KANK1: variants seen among roughly 807,000 people sequenced by gnomAD.
KANK1 encodes the protein KN motif and ankyrin repeat domain-containing protein 1.
KANK1 carries 109 observed loss-of-function variants against 106.2 expected under a neutral mutation model. That is an observed-to-expected ratio of 1.03 (90% CI 0.88 to 1.20). The LOEUF is 1.20. Ranked by LOEUF, KANK1 falls within the 50% of genes most tolerant of loss-of-function variation. The pLI, the probability that KANK1 is intolerant of heterozygous loss-of-function variation, is 0.00. For missense variants in KANK1, 2,399 were observed against 1,710.7 expected, an observed-to-expected ratio of 1.40 and a Z score of -7.10; for synonymous variants, 873 against 652.2, an observed-to-expected ratio of 1.34 and a Z score of -5.16.
chr9:557,453 A>G (rs2061666597), intron 1 of KANK1, among the ~76,000 whole-genome samples: 1 of 152,204 alleles, frequency 6.6e-6, no homozygotes, highest in South Asian at 2.1e-4. Flanking sequence ...ACAAAAATGA[A>G]TGTGGAGGTT....
chr9:690,270 T>TCCGC, intron 2 of KANK1, among the ~76,000 whole-genome samples: 1 of 148,160 alleles, frequency 6.7e-6, no homozygotes, highest in Admixed American at 6.8e-5. Flanking sequence ...CCCGCCATTG[T>TCCGC]ACTCCAGCCT....
chr9:732,995 C>G (rs1289572090), intron 6 of KANK1: 1 of 174,034 alleles, frequency 5.7e-6, no homozygotes, highest in Non-Finnish European at 1.2e-5. Flanking sequence ...TATCTTGATA[C>G]AGGTGTATCA....
At chr9:704,420 G>A (rs1823479010) in intron 2 of KANK1, among the ~76,000 whole-genome samples, 1 of 152,146 alleles carries the variant, frequency 6.6e-6, no homozygotes, top group South Asian at 2.1e-4. Flanking sequence ...CAGCAGGATG[G>A]AGGAAGGCAC....
chr9:536,184 TA>T (rs936903816), intron 1 of KANK1, among the ~76,000 whole-genome samples: 12 of 151,354 alleles, frequency 7.9e-5, no homozygotes, highest in African/African-American at 2.9e-4. Flanking sequence ...CTAAAAAATA[TA>T]AAAAAAATAG....
chr9:657,033 ACT>A (rs150877183), intron 1 of KANK1, among the ~76,000 whole-genome samples: 1 of 151,760 alleles, frequency 6.6e-6, no homozygotes, highest in Non-Finnish European at 1.5e-5. Context: ...TCATCAAACA[ACT>A]CTGTTTCCCC....
intron 1 of KANK1, among the ~76,000 whole-genome samples, chr9:571,469 T>G (rs117060804): frequency 1.5e-3 from 229 of 152,264 alleles, no homozygotes; most frequent in Non-Finnish European, 1.6e-3. Context: ...GTATTGCTTG[T>G]TAAGATTTAG....
intron 7 of KANK1, 104 bp from the exon 8 acceptor site, chr9:738,181 C>CATAT: frequency 1.1e-6 from 1 of 902,828 alleles, no homozygotes; most frequent in Non-Finnish European, 1.7e-6. Context: ...ATTCTAACTG[C>CATAT]ATATATATAC....
At chr9:559,595 C>A (rs1815837563) in intron 1 of KANK1, among the ~76,000 whole-genome samples, 1 of 152,150 alleles carries the variant, frequency 6.6e-6, no homozygotes, top group South Asian at 2.1e-4. Context: ...AATGTAAGTG[C>A]ATAATAATTT....
At chr9:721,982 G>T (rs1163406745) in intron 3 of KANK1, among the ~76,000 whole-genome samples, 3 of 152,206 alleles carry the variant, frequency 2.0e-5, no homozygotes, top group African/African-American at 7.2e-5. Context: ...CAGGATTGAG[G>T]TGTACCGAAA....
intron 2 of KANK1, among the ~76,000 whole-genome samples, chr9:700,266 T>C (rs935694681): frequency 1.1e-4 from 16 of 152,240 alleles, no homozygotes; most frequent in Non-Finnish European, 1.3e-4. Context: ...AACACTCATA[T>C]TGCTACCCTT....
At chr9:473,127 G>C (rs2058049826) in intron 2 of KANK1, 1 of 152,222 alleles carries the variant, frequency 6.6e-6, no homozygotes, top group South Asian at 2.1e-4. Context: ...TCCAGGCCCT[G>C]TGTTGGTGCA....
Position 634,039 on chromosome 9 carries a change from A to C in KANK1, c.-83-42851A>C, listed in dbSNP as rs6477054. Among the ~76,000 whole-genome samples, 25 of 152,144 alleles carry C rather than the reference A, an allele frequency of 1.6e-4. No homozygotes were observed. The East Asian group carries it at 4.8e-3, about 29-fold the overall frequency. ...GGTTTATCTTTTTCATAAGTTCAGA[A>C]ATGAACTTCTGGGGTTAATTAATTT... On this transcript the variant is annotated intron_variant, in intron 1 of 11. Coordinates refer to ENST00000382297, the MANE Select transcript of KANK1 (RefSeq NM_015158.5).
chr9:742,120 C>T (rs1835750197), intron 9 of KANK1, 85 bp from the exon 10 acceptor site: 1 of 1,152,744 alleles, frequency 8.7e-7, no homozygotes. Context: ...CACACTCTTC[C>T]CCCTTTCCCT....
chr9:545,136 A>T (rs771708238), intron 1 of KANK1, among the ~76,000 whole-genome samples: 2 of 149,590 alleles, frequency 1.3e-5, no homozygotes, highest in Admixed American at 6.7e-5. Context: ...TTCTGGGAGG[A>T]TCTGGCTGCT....
At chr9:639,562 C>G (rs369675563) in intron 1 of KANK1, among the ~76,000 whole-genome samples, 3 of 152,190 alleles carry the variant, frequency 2.0e-5, no homozygotes, top group African/African-American at 7.2e-5. Flanking sequence ...AGTCTTCTGC[C>G]CACCTCGGCC....
chr9:731,178 A>G lies in KANK1; in HGVS notation c.2917A>G (p.Thr973Ala). ...GLYACTNNES[T>A]LKSIMKKKDG... is the part of the protein sequence containing the mutation. ...CACAGCATGTACAAACAATGAAAGT[A>G]CACTGAAGTCCATCATGAAGAAGAA... Residue 973 changes from threonine (T) to alanine (A), a missense_variant, in exon 5 of 12, where the codon ACA (threonine) becomes GCA (alanine). Thr to Ala is a moderately conservative substitution (Grantham distance 58). Transcript: ENST00000382297. The G allele has an allele frequency of 6.2e-7, 1 of 1,608,762 alleles. No individual in the cohort carries two copies. Among genetic ancestry groups the G allele is most frequent in the African/African-American group, 1.3e-5 (1 of 74,938 alleles).
chr9:492,555 C>G (rs2058395354), intron 3 of KANK1, among the ~76,000 whole-genome samples: 1 of 152,088 alleles, frequency 6.6e-6, no homozygotes, highest in Non-Finnish European at 1.5e-5. Context: ...GAGAGACAGT[C>G]TCACATCACA....
intron 2 of KANK1, among the ~76,000 whole-genome samples, chr9:701,790 C>T (rs1564013210): frequency 1.3e-5 from 2 of 152,258 alleles, no homozygotes; most frequent in Non-Finnish European, 2.9e-5. Context: ...CTGGTGAGTA[C>T]GTTAATTTTT....
At chr9:638,709 G>T (rs530119545) in intron 1 of KANK1, among the ~76,000 whole-genome samples, 5 of 152,142 alleles carry the variant, frequency 3.3e-5, no homozygotes, top group Admixed American at 3.3e-4. Flanking sequence ...TGTTAAATTT[G>T]CGATCTGCCC....
Sources: gnomAD v4.1 joint callset for allele counts (sites outside exome capture counted in the v4.1 genomes callset) on GRCh38, gnomAD v4.1.1 for gene constraint, MANE v1.5 for transcripts, NCBI Gene and HGNC (gene_info 2026-07-23, HGNC 2026-07-21) for gene names.